The following GSE1 variants were observed in gnomAD, a reference collection of about 807,000 sequenced individuals.
GSE1 encodes the protein Gse1 coiled-coil protein, also known as genetic suppressor element 1.
A neutral mutation model predicts 112.6 loss-of-function variants in GSE1; 32 were observed. The ratio of observed to expected loss-of-function variants is 0.28; its 90% confidence interval spans 0.21 to 0.38. The LOEUF is 0.38. GSE1 is among the 10% of genes least tolerant of loss of function. The probability of loss-of-function intolerance (pLI) is 1.00; values close to 1 mark genes in which losing one functional copy is unlikely to be tolerated. For missense variants in GSE1, 2,348 were observed against 1,699.2 expected, an observed-to-expected ratio of 1.38 and a Z score of -6.71; for synonymous variants, 1,115 against 735.6, an observed-to-expected ratio of 1.52 and a Z score of -8.35.
intron 1 of GSE1, chr16:85,583,342 C>G (rs923040649): frequency 4.6e-5 from 7 of 152,588 alleles, no homozygotes; most frequent in African/African-American, 1.7e-4. Flanking sequence ...CTCAAACTCA[C>G]CTTTCTCTGC....
chr16:85,440,448 G>T (rs560192759), intron 2 of GSE1, among the ~76,000 whole-genome samples: 1 of 152,206 alleles, frequency 6.6e-6, no homozygotes, highest in East Asian at 1.9e-4. Context: ...GAAGTTTCAC[G>T]TGCATCTGAG....
intron 1 of GSE1, among the ~76,000 whole-genome samples, chr16:85,243,497 G>C (rs902351455): frequency 2.0e-5 from 3 of 152,218 alleles, no homozygotes; most frequent in African/African-American, 4.8e-5. Flanking sequence ...GCTTGCTGCC[G>C]GGTGCACGCA....
At chr16:85,512,332 C>G (rs931415837) in intron 2 of GSE1, among the ~76,000 whole-genome samples, 5 of 152,148 alleles carry the variant, frequency 3.3e-5, no homozygotes, top group Non-Finnish European at 7.4e-5. Flanking sequence ...GCCAGGCACC[C>G]AGGACAGCTG....
chr16:85,381,782 C>T (rs7200418), intron 2 of GSE1, among the ~76,000 whole-genome samples: 6,884 of 152,276 alleles, frequency 0.045, 504 homozygotes, highest in African/African-American at 0.16. Context: ...GCAAATCACT[C>T]CTCAGGATGC....
In GSE1 at chr16:85,169,541, C is replaced by T. The variant is rs2074326556; in HGVS notation, c.17C>T (p.Ala6Val). 7 of 951,062 alleles carry T rather than the reference C, an allele frequency of 7.4e-6. No homozygotes were observed. In the African/African-American group the frequency reaches 8.9e-5, roughly 12 times the overall value. The allele number at this position is 951,062 out of a possible 1,614,324, so 58.9% of individuals were successfully genotyped here. A position where few individuals can be genotyped will look rare whatever the true frequency, so the allele number is the denominator to read the frequency against. Residue 6 changes from alanine to valine, a missense_variant, in exon 1 of 3, where the codon GCC (alanine) becomes GTC (valine). Ala to Val is a moderately conservative substitution (Grantham distance 64). Transcript: ENST00000637419. ...GGCGCGGCCATGAGCGGGCGGCCGG[C>T]CCCGGTCTCCCGCAAGCAGCGGCTC...
chr16:85,600,426 G>A (rs2047410847), intron 1 of GSE1, among the ~76,000 whole-genome samples: 2 of 151,958 alleles, frequency 1.3e-5, no homozygotes, highest in Admixed American at 6.6e-5. Flanking sequence ...GGGCTCTCTC[G>A]AGGACCACTG....
At chr16:85,334,095 C>G (rs975558256) in intron 1 of GSE1, among the ~76,000 whole-genome samples, 1 of 152,210 alleles carries the variant, frequency 6.6e-6, no homozygotes, top group Non-Finnish European at 1.5e-5. Flanking sequence ...CTGCTCCTGC[C>G]CTCACCATGT....
chr16:85,395,190 G>A (rs1445741506), intron 2 of GSE1, among the ~76,000 whole-genome samples: 1 of 152,092 alleles, frequency 6.6e-6, no homozygotes, highest in Non-Finnish European at 1.5e-5. Context: ...TTGGCTTCTC[G>A]AACGTTACCC....
Position 85,222,007 on chromosome 16 carries a change from C to A in GSE1, c.2283+50200C>A, listed in dbSNP as rs569263774. Among the ~76,000 whole-genome samples the A allele has an allele frequency of 2.6e-5, 4 of 152,298 alleles. No individual in the cohort carries two copies. The South Asian group carries it at 8.3e-4, about 32-fold the overall frequency. On this transcript the variant is annotated intron_variant, in intron 1 of 2. Coordinates refer to the GSE1 transcript ENST00000637419. ...CAGGGAGGGCCGGGGAGGCCCACAG[C>A]AGCCTGGTATCTGTCAGCCTCGGGT...
chr16:85,396,595 G>A (rs934081339), intron 2 of GSE1, among the ~76,000 whole-genome samples: 1 of 152,234 alleles, frequency 6.6e-6, no homozygotes, highest in African/African-American at 2.4e-5. Context: ...AGAGCAGTTG[G>A]CTGAACGGGC....
intron 1 of GSE1, among the ~76,000 whole-genome samples, chr16:85,179,899 G>T (rs1223118561): frequency 6.6e-6 from 1 of 152,222 alleles, no homozygotes; most frequent in Non-Finnish European, 1.5e-5. Flanking sequence ...CCCTGGCTGG[G>T]TCTCAGTTTT....
rs1166004764 is a variant in GSE1, at chr16:85,613,862, G to T, written c.7+464G>T. ...GACGGCCGAGGAAGCGGGGGTGTGGGGGGGGGGGGTGCTCGCTACTGGGGC... is the reference window on the plus strand; with the variant it reads ...GACGGCCGAGGAAGCGGGGGTGTGGTGGGGGGGGGTGCTCGCTACTGGGGC... On this transcript the variant is annotated intron_variant, in intron 1 of 15. Transcript: ENST00000253458. Among the ~76,000 whole-genome samples, 713 of 137,568 alleles carry T rather than the reference G, an allele frequency of 5.2e-3. 11 individuals carry two copies. Among genetic ancestry groups the T allele is most frequent in the African/African-American group, 0.02 (669 of 32,656 alleles). The allele number at this position is 137,568 out of a possible 152,430, so 90.2% of individuals were successfully genotyped here. A position where few individuals can be genotyped will look rare whatever the true frequency, so the allele number is the denominator to read the frequency against.
chr16:85,391,728 G>C (rs1230955497), intron 2 of GSE1, among the ~76,000 whole-genome samples: 1 of 152,166 alleles, frequency 6.6e-6, no homozygotes, highest in Admixed American at 6.5e-5. Context: ...CATGAATTGG[G>C]GGTGGGGACA....
chr16:85,613,311 G>A, upstream of GSE1: 2 of 1,547,196 alleles, frequency 1.3e-6, no homozygotes, highest in South Asian at 2.4e-5. Flanking sequence ...GCAGCCCCGG[G>A]TGAGATAAGC....
At chr16:85,303,750 G>A (rs1043663925) in intron 1 of GSE1, among the ~76,000 whole-genome samples, 2 of 152,252 alleles carry the variant, frequency 1.3e-5, no homozygotes, top group African/African-American at 4.8e-5. Flanking sequence ...GGGCACCTGG[G>A]AAAGCGGCTG....
chr16:85,206,773 A>G (rs925406684), intron 1 of GSE1, among the ~76,000 whole-genome samples: 2 of 150,254 alleles, frequency 1.3e-5, no homozygotes, highest in African/African-American at 2.5e-5. Context: ...GGCCGCCAGG[A>G]TGGAGGTGCT....
chr16:85,285,682 CAAA>C (rs36070534), intron 1 of GSE1: 7 of 69,822 alleles, frequency 1.0e-4, no homozygotes, highest in Non-Finnish European at 2.0e-4. Context: ...AACTCTGTCT[CAAA>C]AAAAAAAAAA....
rs1426813962 is a variant in GSE1, at chr16:85,672,975, C to G, written c.*436C>G. 1.3e-5 allele frequency: 2 copies of G among 152,850 alleles called. No homozygotes were observed. Among genetic ancestry groups the G allele is most frequent in the South Asian group, 2.1e-4 (1 of 4,846 alleles). 9.5% of individuals were successfully genotyped at this position (152,850 alleles called of 1,614,324 possible). On this transcript the variant is annotated 3_prime_UTR_variant, in exon 16 of 16. Coordinates refer to ENST00000253458, the MANE Select transcript of GSE1 (RefSeq NM_014615.5). ...CTTTTGCCGCAGCGATGGGGCCAGT[C>G]TCATTCCTCCCCAGGAGTGAAACTT...
chr16:85,346,771 G>T (rs2046750250), intron 1 of GSE1, among the ~76,000 whole-genome samples: 1 of 150,372 alleles, frequency 6.7e-6, no homozygotes, highest in Non-Finnish European at 1.5e-5. Flanking sequence ...TGGGTGGACG[G>T]TGGATGGATG....
Sources: allele counts gnomAD v4.1 joint callset (sites outside exome capture counted in the v4.1 genomes callset), GRCh38; gene constraint gnomAD v4.1.1; transcripts MANE v1.5; gene names NCBI Gene and HGNC (gene_info 2026-07-23, HGNC 2026-07-21).